The following ZGPAT variants were observed in gnomAD, a reference collection of about 807,000 sequenced individuals.
ZGPAT encodes the protein zinc finger CCCH-type and G-patch domain containing.
ZGPAT carries 39 observed loss-of-function variants against 47.9 expected under a neutral mutation model. The observed-to-expected ratio is 0.81, with a 90% CI of 0.63 to 1.06. The LOEUF is 1.06. Among genes scored for constraint, ZGPAT ranks in the 50% least tolerant of loss-of-function variants. The probability of loss-of-function intolerance (pLI) is 0.00; values close to 1 mark genes in which losing one functional copy is unlikely to be tolerated. For synonymous variants in ZGPAT, 348 were observed against 292.9 expected, an observed-to-expected ratio of 1.19 and a Z score of -1.92; for missense variants, 717 against 681.4, an observed-to-expected ratio of 1.05 and a Z score of -0.58.
chr20:63,724,943 G>A (rs1007980675), intron 2 of ZGPAT, among the ~76,000 whole-genome samples: 1 of 151,200 alleles, frequency 6.6e-6, no homozygotes, highest in African/African-American at 2.4e-5. Flanking sequence ...CCAAAATGCT[G>A]GGATTACCAT....
intron 2 of ZGPAT, among the ~76,000 whole-genome samples, chr20:63,723,347 CCTCCCTTCTCCTAT>C (rs1213454589): frequency 0.011 from 1,381 of 124,132 alleles, 28 homozygotes; most frequent in Non-Finnish European, 0.018. Context: ...ACAGCTCCAT[CCTCCCTTCTCCTAT>C]GACACAGCTC....
Position 63,735,388 on chromosome 20 carries a change from T to G in ZGPAT, c.1221T>G (p.Pro407=), listed in dbSNP as rs1240245662. The G allele has an allele frequency of 6.4e-7, 1 of 1,554,882 alleles. No homozygotes were observed. The highest frequency in any genetic ancestry group is 8.7e-7 in the Non-Finnish European group (1 of 1,153,526). ...FLNEKLQGQA[P]GALEAGAAPA... ...ATGAAAAGCTGCAAGGTCAGGCTCC[T>G]GGGGCCCTAGAAGCCGGGGCGGCCC... The change falls in exon 6 of 7, where the codon CCT becomes CCG. Residue 407 remains proline (P), a synonymous_variant. Coordinates refer to ENST00000355969, the MANE Select transcript of ZGPAT (RefSeq NM_181485.3).
At chr20:63,734,660 C>T (rs752304230) in intron 4 of ZGPAT, 45 bp from the exon 5 acceptor site, 1 of 1,605,818 alleles carries the variant, frequency 6.2e-7, no homozygotes, top group Non-Finnish European at 8.5e-7. Flanking sequence ...GGGTCGGACG[C>T]CGTGGACTCT....
At position 63,708,615 on chromosome 20, in the gene ZGPAT, C is replaced by T. The variant is rs907563076; in HGVS notation, c.35C>T (p.Thr12Ile). 19 of 1,609,824 alleles carry T rather than the reference C, an allele frequency of 1.2e-5. No individual in the cohort carries two copies. The highest frequency in any genetic ancestry group is 1.1e-4 in the African/African-American group (8 of 74,852). Residue 12 changes from threonine (T) to isoleucine (I), a missense_variant, in exon 2 of 7, where the codon ACC becomes ATC. Thr to Ile is a moderately conservative substitution (Grantham distance 89). Coordinates refer to ENST00000355969, the MANE Select transcript of ZGPAT (RefSeq NM_181485.3). Reference sequence around the variant, plus strand: ...GAGAGCCTGGAGTCGGCCTTGCAGACCTACCGTGCGCAGCTGCAGCAGGTG... The same window carrying T: ...GAGAGCCTGGAGTCGGCCTTGCAGATCTACCGTGCGCAGCTGCAGCAGGTG... ...DEESLESALQTYRAQLQQVEL... is the reference protein window; with the variant it reads ...DEESLESALQIYRAQLQQVEL...
chr20:63,731,957 AT>A (rs1382311189), intron 2 of ZGPAT, among the ~76,000 whole-genome samples: 2 of 152,236 alleles, frequency 1.3e-5, no homozygotes, highest in African/African-American at 2.4e-5. Flanking sequence ...ACACTATGTC[AT>A]TATATATAAG....
intron 2 of ZGPAT, among the ~76,000 whole-genome samples, chr20:63,711,498 C>T (rs1483840428): frequency 1.3e-5 from 2 of 152,218 alleles, no homozygotes; most frequent in Non-Finnish European, 2.9e-5. Flanking sequence ...GTGCTGCTTG[C>T]CATGTCGGCA....
rs1402147633 is a variant in ZGPAT, at chr20:63,733,524, G to A, written c.719-63G>A. ...CCCTGCCTTGCTCCTCATGTCCAGG[G>A]TGGTTCCCTTCAGTGGCACCTGCTG... On this transcript the variant is annotated intron_variant, in intron 3 of 6. Coordinates refer to ENST00000355969, the MANE Select transcript of ZGPAT (RefSeq NM_181485.3). 15 of 1,613,088 alleles carry A rather than the reference G, an allele frequency of 9.3e-6. No homozygotes were observed. In the Admixed American group the frequency reaches 1.3e-4, roughly 14 times the overall value.
At chr20:63,714,798 A>G (rs1322049143) in intron 2 of ZGPAT, among the ~76,000 whole-genome samples, 14 of 151,524 alleles carry the variant, frequency 9.2e-5, no homozygotes, top group Admixed American at 8.5e-4. Context: ...ATGAGCCACC[A>G]TGCCCAGCTA....
At chr20:63,732,726 A>G (rs1454845997) in intron 2 of ZGPAT, among the ~76,000 whole-genome samples, 3 of 148,820 alleles carry the variant, frequency 2.0e-5, no homozygotes, top group Admixed American at 2.0e-4. Context: ...GTATGTGTAT[A>G]TGTGTATGTC....
chr20:63,727,201 C>T (rs2091853688), intron 2 of ZGPAT, among the ~76,000 whole-genome samples: 1 of 151,164 alleles, frequency 6.6e-6, no homozygotes, highest in African/African-American at 2.4e-5. Context: ...CAGTGATTGT[C>T]CTTTTTAACT....
chr20:63,731,328 A>G (rs557511564), intron 2 of ZGPAT, among the ~76,000 whole-genome samples: 4 of 67,596 alleles, frequency 5.9e-5, no homozygotes, highest in Non-Finnish European at 8.1e-5. Flanking sequence ...ATACATGTGT[A>G]AAGTGTACAG....
intron 2 of ZGPAT, 95 bp from the exon 3 acceptor site, chr20:63,733,124 C>A: frequency 6.5e-7 from 1 of 1,526,998 alleles, no homozygotes; most frequent in Non-Finnish European, 8.9e-7. Context: ...CTGTCTCCCT[C>A]AGGACAGTGC....
intron 2 of ZGPAT, among the ~76,000 whole-genome samples, chr20:63,726,662 G>T (rs2091849246): frequency 6.6e-6 from 1 of 151,288 alleles, no homozygotes; most frequent in Non-Finnish European, 1.5e-5. Flanking sequence ...AGCTGGGACT[G>T]CAGGCACCCT....
rs148155917 is a variant in ZGPAT, at chr20:63,708,607, C to G, written c.27C>G (p.Ala9=). 2 of 1,607,664 alleles carry G rather than the reference C, an allele frequency of 1.2e-6. No homozygotes were observed. The highest frequency in any genetic ancestry group is 1.7e-6 in the Non-Finnish European group (2 of 1,176,332). The change falls in exon 2 of 7, where the codon GCC becomes GCG. Residue 9 remains alanine (A), a synonymous_variant. Transcript: ENST00000355969. MDEESLES[A]LQTYRAQLQQ... is the part of the protein sequence containing the mutation. The stretch of plus-strand genomic sequence containing the variant: ...TGGACGAGGAGAGCCTGGAGTCGGC[C>G]TTGCAGACCTACCGTGCGCAGCTGC...
At position 63,735,330 on chromosome 20, in the gene ZGPAT, G is replaced by A. The variant is rs138272828; in HGVS notation, c.1163G>A (p.Arg388His). Reference sequence around the variant, plus strand: ...GGAAGAGGGGCCAGGCCTGGGGGCCGCCCAGCTCCTCGGAATGTGTTTGAC... The same window carrying A: ...GGAAGAGGGGCCAGGCCTGGGGGCCACCCAGCTCCTCGGAATGTGTTTGAC... ...CRGRGARPGG[R>H]PAPRNVFDFL... Residue 388 changes from arginine (R) to histidine (H), a missense_variant, in exon 6 of 7, where the codon CGC (arginine) becomes CAC (histidine). Arg to His is a conservative substitution (Grantham distance 29). Coordinates refer to ENST00000355969, the MANE Select transcript of ZGPAT (RefSeq NM_181485.3). 4.4e-5 allele frequency: 68 copies of A among 1,562,954 alleles called. No homozygotes were observed. The African/African-American group carries it at 6.6e-4, about 15-fold the overall frequency.
chr20:63,730,141 G>A (rs931262981), intron 2 of ZGPAT: 1 of 152,118 alleles, frequency 6.6e-6, no homozygotes, highest in Non-Finnish European at 1.5e-5. Context: ...ACTAATGATG[G>A]TGTGGGTGTG....
chr20:63,735,752 C>A, intron 6 of ZGPAT, 29 bp from the exon 7 acceptor site: 1 of 1,571,044 alleles, frequency 6.4e-7, no homozygotes, highest in Non-Finnish European at 8.6e-7. Flanking sequence ...GGCCCAGGAC[C>A]CCACGCTGAC....
chr20:63,715,254 T>TA (rs1253148378), intron 2 of ZGPAT, among the ~76,000 whole-genome samples: 1 of 150,430 alleles, frequency 6.6e-6, no homozygotes, highest in Non-Finnish European at 1.5e-5. Flanking sequence ...CTTTTTTTTT[T>TA]TTTTTGAGAC....
At chr20:63,720,497 G>A (rs1369085687) in intron 2 of ZGPAT, among the ~76,000 whole-genome samples, 1 of 151,122 alleles carries the variant, frequency 6.6e-6, no homozygotes, top group South Asian at 2.1e-4. Context: ...TCTCACCCAG[G>A]CTGTAGTGCA....
Sources: gnomAD v4.1 joint callset for allele counts (sites outside exome capture counted in the v4.1 genomes callset) on GRCh38, gnomAD v4.1.1 for gene constraint, MANE v1.5 for transcripts, NCBI Gene and HGNC (gene_info 2026-07-23, HGNC 2026-07-21) for gene names.